The following IPCEF1 variants were observed in gnomAD, a reference collection of about 807,000 sequenced individuals.
IPCEF1 encodes the protein interaction protein for cytohesin exchange factors 1.
Under a neutral mutation model 50.9 loss-of-function variants are expected in IPCEF1, and 31 were observed. The ratio of observed to expected loss-of-function variants is 0.61; its 90% confidence interval spans 0.46 to 0.82. The LOEUF is 0.82. Ranked by LOEUF, IPCEF1 falls within the 40% of genes least tolerant of loss-of-function variation. The probability of loss-of-function intolerance (pLI) is 0.00; values close to 1 mark genes in which losing one functional copy is unlikely to be tolerated. For synonymous variants in IPCEF1, 181 were observed against 192.0 expected (o/e 0.94, Z 0.47); for missense variants, 458 against 514.0 (o/e 0.89, Z 1.05).
At chr6:154,315,161 G>A (rs953282715) in intron 1 of IPCEF1, among the ~76,000 whole-genome samples, 1 of 152,152 alleles carries the variant, frequency 6.6e-6, no homozygotes, top group Non-Finnish European at 1.5e-5. Context: ...GGGATTATAG[G>A]CGTGAGCCAC....
At chr6:154,325,047 C>T (rs1420168473) in intron 1 of IPCEF1, among the ~76,000 whole-genome samples, 2 of 152,032 alleles carry the variant, frequency 1.3e-5, no homozygotes, top group Non-Finnish European at 1.5e-5. Context: ...GAAAAACAGG[C>T]ACAAAGCTTA....
In IPCEF1 at chr6:154,159,894, G is replaced by A; in HGVS notation, c.1251C>T (p.Asp417=). The change falls in exon 12 of 12, where the codon GAC becomes GAT. Residue 417 remains aspartate, a synonymous_variant. Coordinates refer to ENST00000367220, the MANE Select transcript of IPCEF1 (RefSeq NM_001130700.2). The part of the protein sequence containing the change: ...QQQRASPAPD[D]TDDTPQELKK... ...TGAGTTCCTGGGGGGTGTCATCAGT[G>A]TCATCAGGGGCAGGCGAAGCCCGCT... 2 of 1,613,722 alleles carry A rather than the reference G, an allele frequency of 1.2e-6. No homozygotes were observed.
chr6:154,200,384 A>G (rs1776963559), intron 9 of IPCEF1, among the ~76,000 whole-genome samples: 1 of 152,226 alleles, frequency 6.6e-6, no homozygotes, highest in South Asian at 2.1e-4. Flanking sequence ...ATAATTTGCA[A>G]TCTATCACTG....
At chr6:154,243,656 C>T (rs1780781193) in intron 5 of IPCEF1, among the ~76,000 whole-genome samples, 1 of 152,180 alleles carries the variant, frequency 6.6e-6, no homozygotes, top group Non-Finnish European at 1.5e-5. Flanking sequence ...CTCTCAGAAC[C>T]CGTTGAAGGC....
intron 9 of IPCEF1, among the ~76,000 whole-genome samples, chr6:154,208,442 T>C (rs1777685740): frequency 6.6e-6 from 1 of 152,188 alleles, no homozygotes. Flanking sequence ...CTCTACCCCA[T>C]CACATCCTGA....
At chr6:154,314,433 C>T (rs1423108692) in intron 1 of IPCEF1, among the ~76,000 whole-genome samples, 1 of 152,116 alleles carries the variant, frequency 6.6e-6, no homozygotes, top group Non-Finnish European at 1.5e-5. Flanking sequence ...TGCAAACATA[C>T]CTATGTTTAT....
At position 154,321,076 on chromosome 6, in the gene IPCEF1, G is replaced by A. The variant is rs578123727; in HGVS notation, c.-61-31320C>T. On this transcript the variant is annotated intron_variant, in intron 1 of 11. Transcript: ENST00000367220. ...CTCCTGACTAGCTGGGATTATAGGC[G>A]CGCACCACCACACCAGGCTAATTTT... is the stretch of plus-strand genomic sequence containing the variant. Among the ~76,000 whole-genome samples, 32 of 151,790 alleles carry A rather than the reference G, an allele frequency of 2.1e-4. No individual in the cohort carries two copies. In the East Asian group the frequency reaches 2.7e-3, roughly 13 times the overall value.
chr6:154,257,691 TTTTG>T (rs139964826), intron 3 of IPCEF1, among the ~76,000 whole-genome samples: 19,374 of 151,782 alleles, frequency 0.13, 1,426 homozygotes, highest in Non-Finnish European at 0.17. Context: ...TGGTTTTGGG[TTTTG>T]TTTGTTTGTT....
intron 9 of IPCEF1, 71 bp from the exon 10 acceptor site, chr6:154,200,111 A>C: frequency 7.2e-7 from 1 of 1,382,616 alleles, no homozygotes; most frequent in Admixed American, 2.5e-5. Flanking sequence ...TCTACCTTTT[A>C]TTTTCAATCA....
At chr6:154,256,697 A>C (rs1181476032) in intron 3 of IPCEF1, among the ~76,000 whole-genome samples, 2 of 152,154 alleles carry the variant, frequency 1.3e-5, no homozygotes, top group East Asian at 1.9e-4. Context: ...AACTAGTTCT[A>C]CAAAAATATC....
At chr6:154,343,842 G>A (rs1783969728) in intron 1 of IPCEF1, among the ~76,000 whole-genome samples, 1 of 152,216 alleles carries the variant, frequency 6.6e-6, no homozygotes, top group Non-Finnish European at 1.5e-5. Flanking sequence ...GCAAATGCAG[G>A]CCATTAGAAA....
intron 5 of IPCEF1, among the ~76,000 whole-genome samples, chr6:154,237,898 T>A (rs1430296275): frequency 6.6e-6 from 1 of 152,206 alleles, no homozygotes; most frequent in Non-Finnish European, 1.5e-5. Flanking sequence ...GCACTATAAA[T>A]ATCAATTCAA....
At chr6:154,321,778 TAAAAAAA>T (rs61648946) in intron 1 of IPCEF1, among the ~76,000 whole-genome samples, 2,828 of 51,856 alleles carry the variant, frequency 0.055, 57 homozygotes, top group Non-Finnish European at 0.072. Flanking sequence ...AGACTCTTTC[TAAAAAAA>T]AAAAAAAAAA....
intron 1 of IPCEF1, among the ~76,000 whole-genome samples, chr6:154,313,836 A>C (rs1422165986): frequency 6.6e-6 from 1 of 152,012 alleles, no homozygotes. Flanking sequence ...CTCAAACTAC[A>C]GGACTCAGGC....
chr6:154,306,719 C>T (rs1782945332), intron 1 of IPCEF1: 1 of 152,256 alleles, frequency 6.6e-6, no homozygotes, highest in Non-Finnish European at 1.5e-5. Flanking sequence ...TGTCCCAGTG[C>T]CTTCGTAGGT....
rs555092774 is a variant in IPCEF1 at position 154,281,741 on chromosome 6, G to A, written c.-18+7972C>T. Among the ~76,000 whole-genome samples the A allele has an allele frequency of 1.2e-4, 18 of 152,138 alleles. No individual in the cohort carries two copies. In the South Asian group the frequency reaches 3.5e-3, roughly 30 times the overall value. ...CTGGAGGCCGGGCACTGTGGCTCAC[G>A]CCTGTAATCTCAGCACTTTGGGAGG... On this transcript the variant is annotated intron_variant, in intron 2 of 11. Transcript: ENST00000367220.
rs371492304 is a variant in IPCEF1 at position 154,207,823 on chromosome 6, G to A, written c.537+4947C>T. ...AACATCAAAATATGAGGATTGTTGT[G>A]TTGAAATAATCTGCATAAGCTTCTA... On this transcript the variant is annotated intron_variant, in intron 9 of 11. Transcript: ENST00000367220. Among the ~76,000 whole-genome samples, 17 of 152,062 alleles carry A rather than the reference G, an allele frequency of 1.1e-4. 1 individual carries two copies. The East Asian group carries it at 3.3e-3, about 29-fold the overall frequency.
intron 10 of IPCEF1, among the ~76,000 whole-genome samples, chr6:154,199,397 G>T (rs1048857306): frequency 2.6e-5 from 4 of 152,162 alleles, no homozygotes; most frequent in Admixed American, 2.6e-4. Flanking sequence ...TTCTCCGATT[G>T]GTGGAAAAGT....
intron 2 of IPCEF1, among the ~76,000 whole-genome samples, chr6:154,275,039 C>T (rs1488731416): frequency 6.6e-6 from 1 of 152,092 alleles, no homozygotes; most frequent in Non-Finnish European, 1.5e-5. Flanking sequence ...TTTCACCTAC[C>T]CCTCAAAGAC....
Sources: gnomAD v4.1 joint callset for allele counts (sites outside exome capture counted in the v4.1 genomes callset) on GRCh38, gnomAD v4.1.1 for gene constraint, MANE v1.5 for transcripts, NCBI Gene and HGNC (gene_info 2026-07-23, HGNC 2026-07-21) for gene names.